The following ERC2 variants were observed in gnomAD, a reference collection of about 807,000 sequenced individuals.
ERC2 encodes the protein ELKS/RAB6-interacting/CAST family member 2.
In ERC2, 42 loss-of-function variants were observed where a neutral mutation model predicts 114.8. The ratio of observed to expected loss-of-function variants is 0.37; its 90% CI spans 0.29 to 0.47. ERC2 has a LOEUF of 0.47. Among genes scored for constraint, ERC2 ranks in the 20% least tolerant of loss-of-function variants. ERC2 has a pLI of 0.99. For missense variants in ERC2, 939 were observed against 1,150.7 expected (o/e 0.82, Z 2.66); for synonymous variants, 454 against 425.5 (o/e 1.07, Z -0.82).
intron 14 of ERC2, among the ~76,000 whole-genome samples, chr3:55,869,744 C>G (rs1427433664): frequency 6.6e-6 from 1 of 152,104 alleles, no homozygotes; most frequent in Non-Finnish European, 1.5e-5. Flanking sequence ...CTCGACTAGG[C>G]AGGGACCATG....
chr3:56,257,572 C>T (rs2052605484), intron 3 of ERC2, among the ~76,000 whole-genome samples: 1 of 152,210 alleles, frequency 6.6e-6, no homozygotes, highest in Admixed American at 6.5e-5. Context: ...GGCCATTTTC[C>T]ATGGCATCAC....
intron 2 of ERC2, among the ~76,000 whole-genome samples, chr3:56,432,685 T>C (rs1050362864): frequency 6.6e-6 from 1 of 152,186 alleles, no homozygotes; most frequent in Non-Finnish European, 1.5e-5. Flanking sequence ...AAAGGAGTGG[T>C]AGCCAGGGAA....
chr3:56,266,303 T>C (rs2053303233), intron 3 of ERC2, among the ~76,000 whole-genome samples: 1 of 151,448 alleles, frequency 6.6e-6, no homozygotes, highest in South Asian at 2.1e-4. Flanking sequence ...GCTAATTTTT[T>C]GTATTTTTAG....
intron 17 of ERC2, among the ~76,000 whole-genome samples, chr3:55,619,511 GCA>G (rs1476768011): frequency 7.9e-5 from 12 of 152,088 alleles, no homozygotes; most frequent in African/African-American, 2.9e-4. Flanking sequence ...ACATCGTAAG[GCA>G]CAGAGTTCCA....
chr3:55,791,022 C>T (rs940006090), intron 14 of ERC2, among the ~76,000 whole-genome samples: 4 of 152,174 alleles, frequency 2.6e-5, no homozygotes, highest in Non-Finnish European at 4.4e-5. Context: ...TCTTGTCAAC[C>T]AGGGTCATCA....
At chr3:55,607,249 G>A (rs2058677951) in intron 17 of ERC2, among the ~76,000 whole-genome samples, 3 of 152,154 alleles carry the variant, frequency 2.0e-5, no homozygotes, top group Non-Finnish European at 2.9e-5. Context: ...AACCTAGAGG[G>A]TGCCATGGAG....
At chr3:56,206,202 TACAC>T (rs56400890) in intron 3 of ERC2, among the ~76,000 whole-genome samples, 59,849 of 141,828 alleles carry the variant, frequency 0.42, 12,223 homozygotes, top group East Asian at 0.71. Context: ...CACACACACA[TACAC>T]ACACACACAC....
At chr3:56,117,658 T>A (rs1294563492) in intron 6 of ERC2, among the ~76,000 whole-genome samples, 1 of 152,222 alleles carries the variant, frequency 6.6e-6, no homozygotes, top group African/African-American at 2.4e-5. Flanking sequence ...GCATGAAGTT[T>A]GACACATATA....
intron 13 of ERC2, among the ~76,000 whole-genome samples, chr3:55,942,571 A>G (rs1267406169): frequency 6.6e-6 from 1 of 151,550 alleles, no homozygotes; most frequent in Non-Finnish European, 1.5e-5. Context: ...TGCTGGGATT[A>G]CAGGCGTGAG....
intron 1 of ERC2, among the ~76,000 whole-genome samples, chr3:56,452,732 C>A (rs980399377): frequency 2.0e-5 from 3 of 152,132 alleles, no homozygotes; most frequent in African/African-American, 4.8e-5. Context: ...ATCTGTTTAA[C>A]CTTGAGCAAG....
chr3:56,075,992 C>T (rs2076951863), intron 7 of ERC2, among the ~76,000 whole-genome samples: 1 of 152,034 alleles, frequency 6.6e-6, no homozygotes, highest in East Asian at 1.9e-4. Flanking sequence ...TATCATCATT[C>T]AGAATTTTCA....
chr3:56,070,580 T>C (rs1254387755), intron 7 of ERC2, among the ~76,000 whole-genome samples: 2 of 152,196 alleles, frequency 1.3e-5, no homozygotes, highest in African/African-American at 2.4e-5. Flanking sequence ...GATCAGCTTT[T>C]TCATTGAACG....
intron 1 of ERC2, among the ~76,000 whole-genome samples, chr3:56,466,414 G>A (rs1223361388): frequency 6.6e-6 from 1 of 152,154 alleles, no homozygotes; most frequent in African/African-American, 2.4e-5. Flanking sequence ...AGATGGATCT[G>A]GTCCTTCACC....
At chr3:55,716,547 A>G (rs892632005) in intron 15 of ERC2, among the ~76,000 whole-genome samples, 4 of 152,184 alleles carry the variant, frequency 2.6e-5, no homozygotes, top group African/African-American at 9.6e-5. Flanking sequence ...ATTATGTGCA[A>G]AAGGCATCAG....
At chr3:56,360,438 G>A (rs540645421) in intron 2 of ERC2, among the ~76,000 whole-genome samples, 66 of 152,230 alleles carry the variant, frequency 4.3e-4, no homozygotes, top group African/African-American at 1.6e-3. Flanking sequence ...GGAGCATATT[G>A]TCTAATGGGA....
At chr3:55,567,171 G>A (rs1351437688) in intron 17 of ERC2, among the ~76,000 whole-genome samples, 1 of 152,212 alleles carries the variant, frequency 6.6e-6, no homozygotes, top group Non-Finnish European at 1.5e-5. Flanking sequence ...TTATTGCCAT[G>A]AAAGCAACTA....
chr3:55,910,939 C>T (rs570411217), intron 13 of ERC2, among the ~76,000 whole-genome samples: 18 of 152,174 alleles, frequency 1.2e-4, no homozygotes, highest in Non-Finnish European at 2.4e-4. Flanking sequence ...ATTCAACACA[C>T]TTATTGTGGC....
chr3:56,324,436 A>G (rs780248155), intron 2 of ERC2, among the ~76,000 whole-genome samples: 46 of 152,192 alleles, frequency 3.0e-4, no homozygotes, highest in Non-Finnish European at 6.5e-4. Context: ...TACACAATCT[A>G]CTGAACATCA....
intron 14 of ERC2, among the ~76,000 whole-genome samples, chr3:55,750,012 G>A (rs559256187): frequency 6.6e-6 from 1 of 152,214 alleles, no homozygotes; most frequent in South Asian, 2.1e-4. Context: ...ACCTATAGGT[G>A]GTGGCTTAAA....
Sources: allele counts gnomAD v4.1 joint callset (sites outside exome capture counted in the v4.1 genomes callset), GRCh38; gene constraint gnomAD v4.1.1; transcripts MANE v1.5; gene names NCBI Gene and HGNC (gene_info 2026-07-23, HGNC 2026-07-21).